Variants in EHBP1 observed in about 807,000 individuals in gnomAD.
The protein encoded by EHBP1 is EH domain binding protein 1, also known as EH domain-binding protein 1.
Under a neutral mutation model 144.0 loss-of-function variants are expected in EHBP1, and 55 were observed. That is an observed-to-expected ratio of 0.38 (90% CI 0.31 to 0.48). The LOEUF (loss-of-function observed/expected upper bound fraction) is 0.48, where lower values mean the gene tolerates loss of function less well. EHBP1 is among the 20% of genes least tolerant of loss of function. The pLI is 0.98. For missense variants in EHBP1, 1,200 were observed against 1,364.2 expected (o/e 0.88, Z 1.90); for synonymous variants, 469 against 472.7 (o/e 0.99, Z 0.10).
chr2:62,676,646 A>G (rs1216066950), intron 1 of EHBP1, among the ~76,000 whole-genome samples: 1 of 152,020 alleles, frequency 6.6e-6, no homozygotes, highest in Non-Finnish European at 1.5e-5. Context: ...TTTTCTAGGG[A>G]TTTATCAAGC....
At chr2:63,039,771 C>G (rs943589137) in intron 21 of EHBP1, among the ~76,000 whole-genome samples, 9 of 152,082 alleles carry the variant, frequency 5.9e-5, no homozygotes, top group African/African-American at 2.2e-4. Context: ...TGCTATTTGT[C>G]TGAATACTAT....
intron 1 of EHBP1, among the ~76,000 whole-genome samples, chr2:62,686,929 C>T (rs1306687775): frequency 6.6e-6 from 1 of 152,170 alleles, no homozygotes; most frequent in Non-Finnish European, 1.5e-5. Context: ...ACATAAGTTA[C>T]ATCATTTACT....
At chr2:62,827,202 A>G (rs1404772111) in intron 6 of EHBP1, among the ~76,000 whole-genome samples, 1 of 152,208 alleles carries the variant, frequency 6.6e-6, no homozygotes. Flanking sequence ...ATGGCAACAC[A>G]TGACTTGTGA....
At chr2:62,790,940 T>C (rs1010905291) in intron 5 of EHBP1, among the ~76,000 whole-genome samples, 7 of 152,114 alleles carry the variant, frequency 4.6e-5, no homozygotes, top group Non-Finnish European at 8.8e-5. Flanking sequence ...CTCACTATTA[T>C]GTTATTCCAT....
At chr2:62,901,201 A>G (rs1445517512) in intron 10 of EHBP1, among the ~76,000 whole-genome samples, 1 of 152,184 alleles carries the variant, frequency 6.6e-6, no homozygotes, top group Non-Finnish European at 1.5e-5. Context: ...ATGATGAGTT[A>G]CGAGCCTATT....
At chr2:62,921,748 C>T (rs1226294201) in intron 10 of EHBP1, among the ~76,000 whole-genome samples, 2 of 152,250 alleles carry the variant, frequency 1.3e-5, no homozygotes, top group East Asian at 3.9e-4. Context: ...CTTTTGTCCC[C>T]ATGTAAACTT....
intron 5 of EHBP1, among the ~76,000 whole-genome samples, chr2:62,808,992 C>A (rs889915010): frequency 1.3e-5 from 2 of 152,106 alleles, no homozygotes; most frequent in African/African-American, 4.8e-5. Flanking sequence ...TGAGGGCAGA[C>A]CTTGGTAAGA....
chr2:62,860,527 G>T (rs1558808836), intron 8 of EHBP1, among the ~76,000 whole-genome samples: 1 of 152,062 alleles, frequency 6.6e-6, no homozygotes, highest in Non-Finnish European at 1.5e-5. Context: ...AATCATAGAG[G>T]CAGTCAACTA....
At chr2:62,903,504 T>C (rs1404737303) in intron 10 of EHBP1, among the ~76,000 whole-genome samples, 1 of 152,232 alleles carries the variant, frequency 6.6e-6, no homozygotes, top group Non-Finnish European at 1.5e-5. Flanking sequence ...GACTCACGCC[T>C]GCAATCCCAG....
At chr2:62,763,178 A>G (rs2040896092) in intron 3 of EHBP1, among the ~76,000 whole-genome samples, 1 of 152,078 alleles carries the variant, frequency 6.6e-6, no homozygotes, top group Non-Finnish European at 1.5e-5. Context: ...TAAGCACCCT[A>G]TTGAAAAATA....
At chr2:62,987,492 A>G (rs114188936) in intron 15 of EHBP1, among the ~76,000 whole-genome samples, 2,494 of 152,208 alleles carry the variant, frequency 0.016, 80 homozygotes, top group African/African-American at 0.057. Context: ...AAAATGACAA[A>G]TATATATATG....
intron 10 of EHBP1, among the ~76,000 whole-genome samples, chr2:62,885,511 C>G (rs896695024): frequency 5.7e-4 from 87 of 152,170 alleles, no homozygotes; most frequent in African/African-American, 2.1e-3. Flanking sequence ...CTTTTACTGA[C>G]TATGAATATA....
chr2:62,694,870 C>G (rs1402859341), intron 1 of EHBP1, among the ~76,000 whole-genome samples: 3 of 152,118 alleles, frequency 2.0e-5, no homozygotes, highest in Non-Finnish European at 4.4e-5. Flanking sequence ...GCTTGTCTTT[C>G]CTAATAATTC....
At chr2:62,985,431 A>C (rs545073616) in intron 15 of EHBP1, among the ~76,000 whole-genome samples, 4 of 152,354 alleles carry the variant, frequency 2.6e-5, no homozygotes, top group African/African-American at 9.6e-5. Context: ...ACTGATGACA[A>C]TAAGGTACTT....
intron 5 of EHBP1, among the ~76,000 whole-genome samples, chr2:62,778,685 T>G (rs983239245): frequency 3.3e-5 from 5 of 152,112 alleles, no homozygotes; most frequent in African/African-American, 1.2e-4. Flanking sequence ...ATATAATAGC[T>G]CAAATAATAC....
chr2:62,899,781 G>A lies in EHBP1; in HGVS notation c.1185+25249G>A, dbSNP rs887583582. On this transcript the variant is annotated intron_variant, in intron 10 of 22. Coordinates refer to ENST00000431489, the MANE Select transcript of EHBP1 (RefSeq NM_001142616.3). The stretch of plus-strand genomic sequence containing the variant: ...CATATAAACTCATTACTTCAAAGAC[G>A]TCTATCTGCTGACCAGTTGGCAGAA... Among the ~76,000 whole-genome samples the A allele has an allele frequency of 1.2e-4, 19 of 152,248 alleles. No individual in the cohort carries two copies. The South Asian group carries it at 2.5e-3, about 20-fold the overall frequency.
At chr2:62,753,008 G>T (rs2039902446) in intron 3 of EHBP1, among the ~76,000 whole-genome samples, 1 of 152,056 alleles carries the variant, frequency 6.6e-6, no homozygotes, top group East Asian at 1.9e-4. Context: ...TACATTTAAG[G>T]TTAATATTGT....
upstream of EHBP1, among the ~76,000 whole-genome samples, chr2:62,703,584 A>G (rs2151766767): frequency 6.6e-6 from 1 of 152,318 alleles, no homozygotes; most frequent in South Asian, 2.1e-4. Flanking sequence ...CTCATTTAGT[A>G]AACGATTCTA....
At chr2:62,679,687 T>C (rs2151726024) in intron 1 of EHBP1, among the ~76,000 whole-genome samples, 1 of 152,280 alleles carries the variant, frequency 6.6e-6, no homozygotes, top group South Asian at 2.1e-4. Context: ...AGACTCTTAG[T>C]ATAAAGTCTA....
Sources: allele counts gnomAD v4.1 joint callset (sites outside exome capture counted in the v4.1 genomes callset), GRCh38; gene constraint gnomAD v4.1.1; transcripts MANE v1.5; gene names NCBI Gene and HGNC (gene_info 2026-07-23, HGNC 2026-07-21).